Variants in TSPYL2 observed in about 807,000 individuals in gnomAD.
TSPYL2 encodes testis-specific Y-encoded-like protein 2.
TSPYL2 carries 9 observed loss-of-function variants against 33.0 expected under a neutral mutation model. The observed-to-expected ratio is 0.27, with a 90% CI of 0.16 to 0.48. The LOEUF (loss-of-function observed/expected upper bound fraction) is 0.48, where lower values mean the gene tolerates loss of function less well. Ranked by LOEUF, TSPYL2 falls within the 20% of genes least tolerant of loss-of-function variation. The probability of loss-of-function intolerance (pLI) is 0.99; values close to 1 mark genes in which losing one functional copy is unlikely to be tolerated. For missense variants in TSPYL2, 636 were observed against 586.2 expected (o/e 1.08, Z -0.88); for synonymous variants, 330 against 233.6 (o/e 1.41, Z -3.77).
Position 53,087,870 on chromosome X carries a change from T to G in TSPYL2, c.2013T>G (p.Ser671=). The change falls in exon 7 of 7, where the codon TCT becomes TCG. Residue 671 remains serine, a synonymous_variant. Coordinates refer to ENST00000375442, the MANE Select transcript of TSPYL2 (RefSeq NM_022117.4). The part of the protein sequence containing the change: ...VWEEGEDSDD[S]DLEDVLQVPN... Reference sequence around the variant, plus strand: ...AAGAAGGGGAAGATTCGGACGACTCTGACCTAGAGGATGTGCTTCAGGTCC... The same window carrying G: ...AAGAAGGGGAAGATTCGGACGACTCGGACCTAGAGGATGTGCTTCAGGTCC... The G allele has an allele frequency of 4.1e-6, 5 of 1,211,925 alleles. No homozygotes were observed. Among genetic ancestry groups the G allele is most frequent in the Non-Finnish European group, 5.6e-6 (5 of 895,378 alleles).
At chrX:53,084,133 T>A (rs782674446) in intron 1 of TSPYL2, among the ~76,000 whole-genome samples, 9 of 111,583 alleles carry the variant, frequency 8.1e-5, no homozygotes, top group Non-Finnish European at 1.5e-4. Context: ...TGTAGACACA[T>A]GGCATAACTT....
At chrX:53,087,229 C>G (rs1166313268) in intron 6 of TSPYL2, 1 of 111,782 alleles carries the variant, frequency 8.9e-6, no homozygotes, top group Non-Finnish European at 1.9e-5. Flanking sequence ...TGTGGAGCCT[C>G]AATCTAGACA....
At position 53,086,243 on chromosome X, in the gene TSPYL2, G is replaced by A. The variant is rs148610102; in HGVS notation, c.1851G>A (p.Gln617=). 5 of 1,209,770 alleles carry A rather than the reference G, an allele frequency of 4.1e-6. No homozygotes were observed. The highest frequency in any genetic ancestry group is 5.6e-6 in the Non-Finnish European group (5 of 895,260). ...EKVIEDFDKD[Q]ADYEDVIEII... ...TTATTGAAGACTTTGACAAGGATCA[G>A]GCTGACTACGAGGACGTGATAGAGA... Residue 617 remains glutamine, a synonymous_variant, in exon 6 of 7, where the codon CAG becomes CAA. Transcript: ENST00000375442.
Position 53,085,672 on chromosome X carries a change from C to G in TSPYL2, c.1280C>G (p.Ala427Gly), listed in dbSNP as rs782418192. Reference protein sequence around the residue: ...GRCEVVIMEDAPDYYAVEDIF... With the variant: ...GRCEVVIMEDGPDYYAVEDIF... The stretch of plus-strand genomic sequence containing the variant: ...TGTGAGGTGGTGATCATGGAAGACG[C>G]CCCTGACTATTATGCAGTGGAAGAC... Residue 427 changes from alanine to glycine, a missense_variant, in exon 6 of 7, where the codon GCC becomes GGC. By Grantham distance (60) the Ala-to-Gly change is moderately conservative. Coordinates refer to ENST00000375442, the MANE Select transcript of TSPYL2 (RefSeq NM_022117.4). 2 of 1,211,865 alleles carry G rather than the reference C, an allele frequency of 1.7e-6. No homozygotes were observed. The highest frequency in any genetic ancestry group is 4.3e-5 in the Admixed American group (2 of 46,047).
chrX:53,086,320 T>TCCCCCCCCCC lies in TSPYL2; in HGVS notation c.1918+18_1918+19insCCCCCCCCCC, dbSNP rs34358950. On this transcript the variant is annotated intron_variant, in intron 6 of 6. Coordinates refer to ENST00000375442, the MANE Select transcript of TSPYL2 (RefSeq NM_022117.4). ...GAGGGCATTGAGGAAGGTGAGCTAA[T>TCCCCCCCCCC]CCCCCCCCACCCTTGTCTTCCCTCT... 8.9e-7 allele frequency: 1 copy of TCCCCCCCCCC among 1,119,453 alleles called. No individual in the cohort carries two copies. Among genetic ancestry groups the TCCCCCCCCCC allele is most frequent in the African/African-American group, 2.3e-5 (1 of 44,085 alleles). The allele number at this position is 1,119,453 out of a possible 1,213,427, so 92.3% of individuals were successfully genotyped here.
In TSPYL2 at chrX:53,082,484, A is replaced by T. The variant is rs942631264; in HGVS notation, c.-15A>T. 6 of 1,148,150 alleles carry T rather than the reference A, an allele frequency of 5.2e-6. No individual in the cohort carries two copies. Among genetic ancestry groups the T allele is most frequent in the Admixed American group, 2.7e-5 (1 of 36,762 alleles). 94.6% of individuals were successfully genotyped at this position (1,148,150 alleles called of 1,213,427 possible). A position where few individuals can be genotyped will look rare whatever the true frequency, so the allele number is the denominator to read the frequency against. On this transcript the variant is annotated 5_prime_UTR_variant, in exon 1 of 7. Transcript: ENST00000375442. ...GGCGAGTGCGAGTCCCCTGAGCTGT[A>T]CGAACGCGGTCGCCATGGACCGCCC... is the stretch of plus-strand genomic sequence containing the variant.
At chrX:53,086,834 CTGAG>C (rs1482273679) in intron 6 of TSPYL2, 1 of 130,544 alleles carries the variant, frequency 7.7e-6, no homozygotes, top group Non-Finnish European at 1.5e-5. Context: ...TGCATTCACA[CTGAG>C]GAGCTTTATG....
rs1556808544 is a variant in TSPYL2, at chrX:53,086,017, ACTT to A, written c.1630_1632del (p.Phe544del). 8.5e-7 allele frequency: 1 copy of A among 1,175,376 alleles called. No individual in the cohort carries two copies. Among genetic ancestry groups the A allele is most frequent in the African/African-American group, 1.8e-5 (1 of 56,686 alleles). ...AACAACGAGAACACTTACGGCAACA[ACTT>A]CTTCAAAGGTGGCTTCTGGGGCAGC... On this transcript the variant is annotated inframe_deletion, in exon 6 of 7. Coordinates refer to ENST00000375442, the MANE Select transcript of TSPYL2 (RefSeq NM_022117.4).
In TSPYL2 at chrX:53,082,576, C is replaced by CCCG. The variant is rs781884842; in HGVS notation, c.98_100dup (p.Pro33dup). 1,230 of 1,146,769 alleles carry CCCG rather than the reference C, an allele frequency of 1.1e-3. 4 individuals carry two copies. The East Asian group carries it at 0.014, about 13-fold the overall frequency. The allele number at this position is 1,146,769 out of a possible 1,213,427, so 94.5% of individuals were successfully genotyped here. Reference sequence around the variant, plus strand: ...CCGAGTCTCCACAGCGCGACCCGCCCCCGCCGCCGCCGCCGCCGCCGCTCC... The same window carrying CCCG: ...CCGAGTCTCCACAGCGCGACCCGCCCCCGCCGCCGCCGCCGCCGCCGCCGCTCC... On this transcript the variant is annotated inframe_insertion, in exon 1 of 7. Coordinates refer to ENST00000375442, the MANE Select transcript of TSPYL2 (RefSeq NM_022117.4).
intron 6 of TSPYL2, 180 bp downstream of exon 6, chrX:53,086,490 ACCCC>A: frequency 2.1e-6 from 1 of 468,306 alleles, no homozygotes; most frequent in Admixed American, 4.0e-5. Context: ...ATGTAACAAA[ACCCC>A]AAAAAATCAT....
At chrX:53,083,382 T>G in intron 1 of TSPYL2, 77 bp downstream of exon 1, 1 of 989,977 alleles carries the variant, frequency 1.0e-6, no homozygotes, top group South Asian at 2.0e-5. Flanking sequence ...ACAGAAAAGG[T>G]AAAGCGGGTG....
rs1556808812 is a variant in TSPYL2 at position 53,086,634 on chromosome X, A to G, written c.1918+324A>G. ...GTGGGGGAGTGGCAAAACACAGTGC[A>G]TTTCAGCACAGTCTGTACCCGGCCT... On this transcript the variant is annotated intron_variant, in intron 6 of 6. Coordinates refer to ENST00000375442, the MANE Select transcript of TSPYL2 (RefSeq NM_022117.4). 13 of 317,481 alleles carry G rather than the reference A, an allele frequency of 4.1e-5. No homozygotes were observed. In the South Asian group the frequency reaches 4.9e-4, roughly 12 times the overall value. 26.2% of individuals were successfully genotyped at this position (317,481 alleles called of 1,213,427 possible). A position where few individuals can be genotyped will look rare whatever the true frequency, so the allele number is the denominator to read the frequency against.
Position 53,084,864 on chromosome X carries a change from C to T in TSPYL2, c.995C>T (p.Ser332Leu), listed in dbSNP as rs781890138. 4.1e-6 allele frequency: 5 copies of T among 1,210,239 alleles called. No homozygotes were observed. The South Asian group carries it at 5.3e-5, about 13-fold the overall frequency. ...VIVKEFQRNR[S>L]GRLVSHSTPI... ...GTCAAGGAGTTCCAGCGCAACCGCTCAGGTAAGTGGCAGTACCAGAGTAAA... is the reference window on the plus strand; with the variant it reads ...GTCAAGGAGTTCCAGCGCAACCGCTTAGGTAAGTGGCAGTACCAGAGTAAA... Residue 332 changes from serine (S) to leucine (L), a missense_variant and splice_region_variant, in exon 3 of 7, where the codon TCA becomes TTA. Ser to Leu is a moderately radical substitution (Grantham distance 145). This residue lies in a region of TSPYL2 where 401 missense variants were observed against 363.0 expected (regional missense o/e 1.10). Coordinates refer to ENST00000375442, the MANE Select transcript of TSPYL2 (RefSeq NM_022117.4).
chrX:53,087,717 C>G, intron 6 of TSPYL2, 59 bp from the exon 7 acceptor site: 1 of 1,130,241 alleles, frequency 8.8e-7, no homozygotes, highest in Non-Finnish European at 1.2e-6. Flanking sequence ...AGAGTGACAC[C>G]TATCTGCTCA....
In TSPYL2 at chrX:53,086,308, A is replaced by G. The variant is rs1932763504; in HGVS notation, c.1916A>G (p.Glu639Gly). The G allele has an allele frequency of 8.5e-7, 1 of 1,181,991 alleles. No homozygotes were observed. The highest frequency in any genetic ancestry group is 1.1e-6 in the Non-Finnish European group (1 of 882,268). ...TCAGTGGAAGAAGAGGGCATTGAGG[A>G]AGGTGAGCTAATCCCCCCCCACCCT... ...DESVEEEGIE[E>G]GIQQDEDIYE... is the part of the protein sequence containing the mutation. The change falls in exon 6 of 7, where the codon GAA becomes GGA. Residue 639 changes from glutamate to glycine, a missense_variant and splice_region_variant. Coordinates refer to ENST00000375442, the MANE Select transcript of TSPYL2 (RefSeq NM_022117.4).
At position 53,082,593 on chromosome X, in the gene TSPYL2, C is replaced by T; in HGVS notation, c.95C>T (p.Pro32Leu). The change falls in exon 1 of 7, where the codon CCG becomes CTG. Residue 32 changes from proline to leucine, a missense_variant. By Grantham distance (98) the Pro-to-Leu change is moderately conservative. Coordinates refer to ENST00000375442, the MANE Select transcript of TSPYL2 (RefSeq NM_022117.4). ...QRDPPPPPPP[P>L]PLLRLPLPPP... ...GACCCGCCCCCGCCGCCGCCGCCGC[C>T]GCCGCTCCTCCGACTGCCGCTGCCT... 1.7e-6 allele frequency: 2 copies of T among 1,152,539 alleles called. No individual in the cohort carries two copies. The highest frequency in any genetic ancestry group is 2.6e-5 in the Admixed American group (1 of 38,108). The allele number at this position is 1,152,539 out of a possible 1,213,427, so 95.0% of individuals were successfully genotyped here. A position where few individuals can be genotyped will look rare whatever the true frequency, so the allele number is the denominator to read the frequency against.
Position 53,087,823 on chromosome X carries a change from G to A in TSPYL2, c.1966G>A (p.Glu656Lys). ...CTATGAGGAAGGAAACTATGAGGAG[G>A]AAGGAAGTGAAGATGTCTGGGAAGA... ...DIYEEGNYEE[E>K]GSEDVWEEGE... Residue 656 changes from glutamate (E) to lysine (K), a missense_variant, in exon 7 of 7, where the codon GAA (glutamate) becomes AAA (lysine). Glu to Lys is a moderately conservative substitution (Grantham distance 56, BLOSUM62 1). Around this residue, in one of 3 missense-constraint regions of TSPYL2, gnomAD observed 401 missense variants for 363.0 expected, o/e 1.10. Coordinates refer to ENST00000375442, the MANE Select transcript of TSPYL2 (RefSeq NM_022117.4). The A allele has an allele frequency of 8.3e-7, 1 of 1,210,240 alleles. No homozygotes were observed.
chrX:53,087,622 A>T, intron 6 of TSPYL2, 154 bp from the exon 7 acceptor site: 1 of 516,270 alleles, frequency 1.9e-6, no homozygotes, highest in South Asian at 3.3e-5. Flanking sequence ...ACCCACACAC[A>T]CTCTTGGCTG....
rs1556807320 is a variant in TSPYL2, at chrX:53,082,839, G to A, written c.341G>A (p.Ser114Asn). The stretch of plus-strand genomic sequence containing the variant: ...GGGGAGGCGCCCCCGCCCACGGAGA[G>A]CCTGGAAGCACTCCCCACTCCTGAG... ...GYGEAPPPTE[S>N]LEALPTPEAS... is the part of the protein sequence containing the mutation. The change falls in exon 1 of 7, where the codon AGC becomes AAC. Residue 114 changes from serine (S) to asparagine (N), a missense_variant. Physicochemically the swap from Ser to Asn is conservative, Grantham distance 46. Transcript: ENST00000375442. 3 of 1,207,510 alleles carry A rather than the reference G, an allele frequency of 2.5e-6. No individual in the cohort carries two copies. Among genetic ancestry groups the A allele is most frequent in the East Asian group, 5.9e-5 (2 of 33,729 alleles).
Sources: gnomAD v4.1 joint callset for allele counts (sites outside exome capture counted in the v4.1 genomes callset) on GRCh38, gnomAD v4.1.1 for gene constraint, gnomAD v4.1.1 regional missense constraint, MANE v1.5 for transcripts, NCBI Gene and HGNC (gene_info 2026-07-23, HGNC 2026-07-21) for gene names.